Variants in NUP210 observed in about 807,000 individuals in gnomAD.
NUP210 encodes the protein nucleoporin 210.
NUP210 carries 151 observed loss-of-function variants against 196.0 expected under a neutral mutation model. The ratio of observed to expected loss-of-function variants is 0.77; its 90% CI spans 0.67 to 0.88. The LOEUF (loss-of-function observed/expected upper bound fraction) is 0.88. Among genes scored for constraint, NUP210 ranks in the 40% least tolerant of loss-of-function variants. The pLI, the probability that NUP210 is intolerant of heterozygous loss-of-function variation, is 0.00. For synonymous variants in NUP210, 1,070 were observed against 1,052.7 expected, an observed-to-expected ratio of 1.02 and a Z score of -0.32; for missense variants, 2,314 against 2,493.7, an observed-to-expected ratio of 0.93 and a Z score of 1.53.
At chr3:13,397,922 G>T (rs542149354) in intron 2 of NUP210, among the ~76,000 whole-genome samples, 53 of 152,174 alleles carry the variant, frequency 3.5e-4, no homozygotes, top group Non-Finnish European at 6.8e-4. Context: ...AGACTATCAA[G>T]TATAGTACAG....
chr3:13,342,147 A>AG, intron 21 of NUP210, 24 bp from the exon 22 acceptor site: 1 of 1,613,480 alleles, frequency 6.2e-7, no homozygotes, highest in Non-Finnish European at 8.5e-7. Context: ...ACAGAGGTTC[A>AG]GGGGCAGCCT....
intron 20 of NUP210, chr3:13,345,132 C>T (rs1697672742): frequency 1.0e-6 from 1 of 985,356 alleles, no homozygotes; most frequent in Non-Finnish European, 1.2e-6. Context: ...TCCAGGGCCG[C>T]TGCTCTGAGT....
At chr3:13,328,603 T>C (rs1559308597) in intron 31 of NUP210, among the ~76,000 whole-genome samples, 168 bp downstream of exon 31, 1 of 152,214 alleles carries the variant, frequency 6.6e-6, no homozygotes, top group Admixed American at 6.5e-5. Flanking sequence ...CCAAGGGCAG[T>C]GGTGTTTCCT....
chr3:13,388,537 G>T, intron 4 of NUP210, 84 bp from the exon 5 acceptor site: 1 of 1,406,314 alleles, frequency 7.1e-7, no homozygotes, highest in Non-Finnish European at 9.6e-7. Context: ...TTCCCTATCA[G>T]TACCTCCCAC....
rs73018819 is a variant in NUP210 at position 13,334,150 on chromosome 3, T to C, written c.3843+1304A>G. Reference sequence around the variant, plus strand: ...CCTGAGTGAGCCAAATAAAACACGTTTGTAGGCTGGATCCAGATTCTCTAG... The same window carrying C: ...CCTGAGTGAGCCAAATAAAACACGTCTGTAGGCTGGATCCAGATTCTCTAG... On this transcript the variant is annotated intron_variant, in intron 28 of 39. Transcript: ENST00000254508. Among the ~76,000 whole-genome samples the C allele has an allele frequency of 4.3e-3, 651 of 152,306 alleles. 1 individual carries two copies. Among genetic ancestry groups the C allele is most frequent in the Non-Finnish European group, 6.6e-3 (448 of 68,034 alleles).
At chr3:13,389,157 C>T (rs1301002182) in intron 4 of NUP210, among the ~76,000 whole-genome samples, 4 of 152,252 alleles carry the variant, frequency 2.6e-5, no homozygotes, top group African/African-American at 9.6e-5. Flanking sequence ...TTTATTTCCT[C>T]GCCTGGTTAC....
rs747036357 is a variant in NUP210 at position 13,348,514 on chromosome 3, AT to A, written c.2835+3364del. Reference sequence around the variant, plus strand: ...CTTGGTAATGGGGAAGTTTTTATTAATTTCCAAAAATAAACAAAACAAGGCA... The same window carrying A: ...CTTGGTAATGGGGAAGTTTTTATTAATTCCAAAAATAAACAAAACAAGGCA... On this transcript the variant is annotated intron_variant, in intron 20 of 39. Coordinates refer to ENST00000254508, the MANE Select transcript of NUP210 (RefSeq NM_024923.4). The surrounding 1 kb of genome is among the most constrained non-coding windows in gnomAD (Gnocchi z 4.0). 5 of 985,306 alleles carry A rather than the reference AT, an allele frequency of 5.1e-6. No homozygotes were observed. The highest frequency in any genetic ancestry group is 6.0e-6 in the Non-Finnish European group (5 of 829,938). 61.0% of individuals were successfully genotyped at this position (985,306 alleles called of 1,614,324 possible).
At chr3:13,331,787 T>G (rs1697005882) in intron 29 of NUP210, among the ~76,000 whole-genome samples, 1 of 152,122 alleles carries the variant, frequency 6.6e-6, no homozygotes, top group Non-Finnish European at 1.5e-5. Flanking sequence ...AGGCATCCCC[T>G]TGGAATCAAA....
chr3:13,391,615 C>T (rs1699495263), intron 3 of NUP210, among the ~76,000 whole-genome samples: 1 of 150,130 alleles, frequency 6.7e-6, no homozygotes, highest in African/African-American at 2.5e-5. Flanking sequence ...CAGTGCATAA[C>T]ACTGCTGCCC....
intron 25 of NUP210, among the ~76,000 whole-genome samples, 187 bp from the exon 26 acceptor site, chr3:13,338,104 C>T (rs539788192): frequency 3.3e-5 from 5 of 152,324 alleles, no homozygotes; most frequent in Non-Finnish European, 5.9e-5. Context: ...CCCTCATGGG[C>T]CAGCCACTGC....
intron 5 of NUP210, among the ~76,000 whole-genome samples, chr3:13,387,008 C>T (rs1367638134): frequency 6.6e-6 from 1 of 152,216 alleles, no homozygotes; most frequent in Non-Finnish European, 1.5e-5. Flanking sequence ...CTTTCATTGT[C>T]TTTGGCCTGT....
rs376986688 is a variant in NUP210, at chr3:13,365,718, G to A, written c.1932+228C>T. Among the ~76,000 whole-genome samples the A allele has an allele frequency of 2.4e-4, 36 of 152,320 alleles. No individual in the cohort carries two copies. The East Asian group carries it at 2.7e-3, about 11-fold the overall frequency. On this transcript the variant is annotated intron_variant, in intron 14 of 39. Coordinates refer to ENST00000254508, the MANE Select transcript of NUP210 (RefSeq NM_024923.4). ...CGGTGTCCTGCCAAGCCTGCCAAGC[G>A]CTGTCTCGCGTAACCACAGAGATGC...
chr3:13,336,955 C>T, intron 26 of NUP210, 37 bp from the exon 27 acceptor site: 1 of 1,610,620 alleles, frequency 6.2e-7, no homozygotes, highest in Non-Finnish European at 8.5e-7. Flanking sequence ...AGCAGTAGCT[C>T]CCAGCACTGG....
At chr3:13,364,203 G>A (rs17038100) in intron 14 of NUP210, among the ~76,000 whole-genome samples, 5,551 of 152,224 alleles carry the variant, frequency 0.036, 153 homozygotes, top group Middle Eastern at 0.075. Context: ...TTGCCAGAAT[G>A]TCACTTCATG....
chr3:13,335,551 C>A lies in NUP210; in HGVS notation c.3746G>T (p.Gly1249Val), dbSNP rs1442541851. 1 of 1,614,018 alleles carries A rather than the reference C, an allele frequency of 6.2e-7. No individual in the cohort carries two copies. Among genetic ancestry groups the A allele is most frequent in the Non-Finnish European group, 8.5e-7 (1 of 1,180,058 alleles). Reference sequence around the variant, plus strand: ...GACCACCACCCTCAGCCCGGTCCGGCCTTTTACCCGGCCGAGCACGTTCAT... The same window carrying A: ...GACCACCACCCTCAGCCCGGTCCGGACTTTTACCCGGCCGAGCACGTTCAT... Reference protein sequence around the residue: ...FAMNVLGRVKGRTGLRVVVKA... With the variant: ...FAMNVLGRVKVRTGLRVVVKA... Residue 1249 changes from glycine to valine, a missense_variant, in exon 28 of 40, where the codon GGC becomes GTC. Transcript: ENST00000254508.
At chr3:13,331,490 T>C (rs940439302) in intron 29 of NUP210, among the ~76,000 whole-genome samples, 3 of 152,128 alleles carry the variant, frequency 2.0e-5, no homozygotes, top group African/African-American at 7.2e-5. Flanking sequence ...AGCCCGAGCA[T>C]CTCCATCTGG....
chr3:13,318,514 G>A (rs949555822), intron 39 of NUP210, among the ~76,000 whole-genome samples: 8 of 152,144 alleles, frequency 5.3e-5, no homozygotes, highest in African/African-American at 1.4e-4. Flanking sequence ...ACCCTCAAAT[G>A]GGAATCAGGA....
intron 20 of NUP210, 33 bp from the exon 21 acceptor site, chr3:13,343,336 T>TGGTGGGGGGGGGGGG: frequency 2.7e-5 from 7 of 260,372 alleles, no homozygotes; most frequent in Middle Eastern, 4.7e-4. Context: ...GAGGGGTGGG[T>TGGTGGGGGGGGGGGG]GGTGGGTTAC....
chr3:13,397,694 CCA>C (rs1699710095), intron 2 of NUP210, among the ~76,000 whole-genome samples: 1 of 152,200 alleles, frequency 6.6e-6, no homozygotes, highest in South Asian at 2.1e-4. Flanking sequence ...TTGTCACCAC[CCA>C]TTCTGGCTTT....
Sources: allele counts gnomAD v4.1 joint callset (sites outside exome capture counted in the v4.1 genomes callset), GRCh38; gene constraint gnomAD v4.1.1; non-coding constraint Gnocchi (gnomAD v3.1); transcripts MANE v1.5; gene names NCBI Gene and HGNC (gene_info 2026-07-23, HGNC 2026-07-21).